Variants in CCDC91 observed in about 807,000 individuals in gnomAD.
CCDC91 encodes the protein coiled-coil domain-containing protein 91.
In CCDC91, 48 loss-of-function variants were observed where a neutral mutation model predicts 63.2. The ratio of observed to expected loss-of-function variants is 0.76; its 90% CI spans 0.60 to 0.97. The LOEUF is 0.97. CCDC91 is among the 50% of genes least tolerant of loss of function. The pLI, the probability that CCDC91 is intolerant of heterozygous loss-of-function variation, is 0.00. For synonymous variants in CCDC91, 167 were observed against 165.8 expected (o/e 1.01, Z -0.06); for missense variants, 500 against 494.6 (o/e 1.01, Z -0.10).
At chr12:28,384,780 G>A (rs1316030424) in intron 7 of CCDC91, among the ~76,000 whole-genome samples, 2 of 151,894 alleles carry the variant, frequency 1.3e-5, no homozygotes, top group African/African-American at 4.8e-5. Context: ...TAACCACAGT[G>A]TCTGTCTTCA....
At chr12:28,218,417 T>C (rs1422081609) in intron 1 of CCDC91, among the ~76,000 whole-genome samples, 3 of 151,198 alleles carry the variant, frequency 2.0e-5, no homozygotes, top group African/African-American at 7.3e-5. Context: ...TTTAGGTGTA[T>C]AAACAATTAA....
intron 12 of CCDC91, among the ~76,000 whole-genome samples, chr12:28,544,808 T>G (rs1467387315): frequency 6.6e-6 from 1 of 152,038 alleles, no homozygotes; most frequent in African/African-American, 2.4e-5. Flanking sequence ...AATAAAAAGC[T>G]AAGGTCAAGA....
At chr12:28,387,974 T>C (rs1210214080) in intron 7 of CCDC91, among the ~76,000 whole-genome samples, 1 of 152,204 alleles carries the variant, frequency 6.6e-6, no homozygotes, top group Middle Eastern at 3.2e-3. Context: ...CTGTTTTCCA[T>C]AGTGGTTGTA....
chr12:28,285,031 A>T (rs1948830690), intron 3 of CCDC91, among the ~76,000 whole-genome samples: 1 of 152,190 alleles, frequency 6.6e-6, no homozygotes, highest in Non-Finnish European at 1.5e-5. Context: ...TGCTTTTAGG[A>T]ATCAGAAAAT....
chr12:28,451,868 C>T (rs1949817391), intron 10 of CCDC91, among the ~76,000 whole-genome samples: 1 of 151,558 alleles, frequency 6.6e-6, no homozygotes, highest in African/African-American at 2.4e-5. Context: ...TTTCCTACAA[C>T]CTATCTGTGT....
At chr12:28,327,593 C>G (rs923033130) in intron 6 of CCDC91, among the ~76,000 whole-genome samples, 50 of 152,284 alleles carry the variant, frequency 3.3e-4, no homozygotes, top group African/African-American at 1.1e-3. Context: ...GGCCAGAAGT[C>G]TCACAGGAGA....
intron 3 of CCDC91, among the ~76,000 whole-genome samples, chr12:28,289,687 T>TTTTC (rs1949111610): frequency 1.2e-5 from 1 of 82,650 alleles, no homozygotes; most frequent in African/African-American, 3.3e-5. Flanking sequence ...TTTCTTTTCT[T>TTTTC]TTTTTTTTTT....
At chr12:28,275,100 G>A (rs1397027384) in intron 3 of CCDC91, among the ~76,000 whole-genome samples, 1 of 152,008 alleles carries the variant, frequency 6.6e-6, no homozygotes, top group Non-Finnish European at 1.5e-5. Flanking sequence ...GCTAGCAGAA[G>A]GCAAGAAATA....
intron 7 of CCDC91, among the ~76,000 whole-genome samples, chr12:28,382,361 C>G (rs560596772): frequency 3.5e-4 from 53 of 151,330 alleles, no homozygotes; most frequent in Admixed American, 2.6e-4. Context: ...TAATGTTGAT[C>G]CTAGGTTGAA....
chr12:28,196,597 C>T (rs1368970398), intron 1 of CCDC91, among the ~76,000 whole-genome samples: 3 of 152,116 alleles, frequency 2.0e-5, no homozygotes, highest in Non-Finnish European at 4.4e-5. Context: ...TTGTGGATAT[C>T]ATTTTGACCC....
At chr12:28,216,406 A>G (rs1296571131) in intron 1 of CCDC91, among the ~76,000 whole-genome samples, 1 of 152,028 alleles carries the variant, frequency 6.6e-6, no homozygotes, top group Non-Finnish European at 1.5e-5. Flanking sequence ...GGTTTCAGTA[A>G]GTAAAATAAA....
rs1945866516 is a variant in CCDC91, at chr12:28,390,495, C to T, written c.655-809C>T. Among the ~76,000 whole-genome samples the T allele has an allele frequency of 2.0e-5, 3 of 151,968 alleles. 1 individual carries two copies. The highest frequency in any genetic ancestry group is 2.0e-4 in the Admixed American group (3 of 15,250). The stretch of plus-strand genomic sequence containing the variant: ...GAACTTGTTGATATAACATACAAAG[C>T]TAAACAGAGAGAAAGAAAAAAGATG... On this transcript the variant is annotated intron_variant, in intron 7 of 12. Transcript: ENST00000536442.
At chr12:28,448,529 C>T (rs1021404567) in intron 8 of CCDC91, among the ~76,000 whole-genome samples, 2 of 152,122 alleles carry the variant, frequency 1.3e-5, no homozygotes, top group South Asian at 2.1e-4. Flanking sequence ...ATTTTATAAA[C>T]ATCACATTGT....
intron 12 of CCDC91, among the ~76,000 whole-genome samples, chr12:28,528,185 T>A (rs1010279899): frequency 6.6e-6 from 1 of 152,128 alleles, no homozygotes; most frequent in Non-Finnish European, 1.5e-5. Context: ...GTGGTTTTTT[T>A]CCCAGTGCCT....
intron 1 of CCDC91, chr12:28,255,456 T>C (rs951178241): frequency 6.6e-6 from 1 of 152,226 alleles, no homozygotes; most frequent in African/African-American, 2.4e-5. Flanking sequence ...TCTTCTTTCA[T>C]AATTTCTTCA....
Position 28,201,449 on chromosome 12 carries a change from T to A in CCDC91, c.-15+10808T>A, listed in dbSNP as rs78375777. On this transcript the variant is annotated intron_variant, in intron 1 of 12. Coordinates refer to ENST00000536442, the MANE Select transcript of CCDC91 (RefSeq NM_018318.5). Reference sequence around the variant, plus strand: ...ACGATGGGCGGCCAGGCAGAGACGCTCCTCACTTCCTAGATGGGATGGCGA... The same window carrying A: ...ACGATGGGCGGCCAGGCAGAGACGCACCTCACTTCCTAGATGGGATGGCGA... Among the ~76,000 whole-genome samples the A allele has an allele frequency of 3.0e-5, 4 of 134,086 alleles. 1 individual carries two copies. The highest frequency in any genetic ancestry group is 5.1e-5 in the Non-Finnish European group (3 of 59,394). The allele number at this position is 134,086 out of a possible 152,430, so 88.0% of individuals were successfully genotyped here.
intron 3 of CCDC91, among the ~76,000 whole-genome samples, chr12:28,298,122 C>T (rs1165781257): frequency 1.9e-5 from 1 of 51,914 alleles, no homozygotes; most frequent in East Asian, 4.8e-4. Context: ...AGATGCTATT[C>T]ATTTGTTTTC....
chr12:28,289,144 T>A (rs1247293475), intron 3 of CCDC91, among the ~76,000 whole-genome samples: 2 of 152,186 alleles, frequency 1.3e-5, no homozygotes, highest in South Asian at 4.2e-4. Flanking sequence ...TTGGATTCGT[T>A]GATCTTTTGA....
rs1193662799 is a variant in CCDC91, at chr12:28,452,625, G to T, written c.1072G>T (p.Ala358Ser). The change falls in exon 11 of 13, where the codon GCT (alanine) becomes TCT (serine). Residue 358 changes from alanine (A) to serine (S), a missense_variant. Ala to Ser is a moderately conservative substitution (Grantham distance 99). Coordinates refer to ENST00000536442, the MANE Select transcript of CCDC91 (RefSeq NM_018318.5). ...AAAAGTATCTCAGGAAATTCAAAAA[G>T]CTATACAAGAACAAAGAAAAATAAG... The part of the protein sequence containing the change: ...QEKVSQEIQK[A>S]IQEQRKISQE... The T allele has an allele frequency of 6.4e-7, 1 of 1,560,338 alleles. No homozygotes were observed. Among genetic ancestry groups the T allele is most frequent in the Non-Finnish European group, 8.7e-7 (1 of 1,154,226 alleles).
Sources: allele counts gnomAD v4.1 joint callset (sites outside exome capture counted in the v4.1 genomes callset), GRCh38; gene constraint gnomAD v4.1.1; transcripts MANE v1.5; gene names NCBI Gene and HGNC (gene_info 2026-07-23, HGNC 2026-07-21).